Variants in FRMD4B observed in about 807,000 individuals in gnomAD.
FRMD4B encodes FERM domain containing 4B.
A neutral mutation model predicts 141.5 loss-of-function variants in FRMD4B; 74 were observed. The observed-to-expected ratio is 0.52, with a 90% CI of 0.43 to 0.63. FRMD4B has a LOEUF of 0.63. Among genes scored for constraint, FRMD4B ranks in the 30% least tolerant of loss-of-function variants. FRMD4B has a pLI of 0.00. For missense variants in FRMD4B, 1,366 were observed against 1,253.4 expected, an observed-to-expected ratio of 1.09 and a Z score of -1.36; for synonymous variants, 506 against 467.9, an observed-to-expected ratio of 1.08 and a Z score of -1.05.
At position 69,181,703 on chromosome 3, in the gene FRMD4B, A is replaced by G. The variant is rs1458851786; in HGVS notation, c.2047T>C (p.Ser683Pro). The G allele has an allele frequency of 6.2e-7, 1 of 1,607,974 alleles. No individual in the cohort carries two copies. Residue 683 changes from serine (S) to proline (P), a missense_variant, in exon 21 of 23, where the codon TCT becomes CCT. Physicochemically the swap from Ser to Pro is moderately conservative, Grantham distance 74. Coordinates refer to ENST00000398540, the MANE Select transcript of FRMD4B (RefSeq NM_015123.3). The stretch of plus-strand genomic sequence containing the variant: ...CGCTGGCGGCAGTGCTGAGATGAAG[A>G]TTCGGGTCTGAAAGAGGAGAAAGGC... ...AYSSSHLEPE[S>P]SSQHCRQRSG...
intron 22 of FRMD4B, among the ~76,000 whole-genome samples, chr3:69,172,644 A>G (rs1010531988): frequency 1.4e-4 from 21 of 152,338 alleles, no homozygotes; most frequent in Admixed American, 8.5e-4. Flanking sequence ...AGGGACATAT[A>G]TGATATCCCT....
intron 2 of FRMD4B, among the ~76,000 whole-genome samples, chr3:69,420,603 G>C (rs1704958189): frequency 6.6e-6 from 1 of 152,188 alleles, no homozygotes; most frequent in Non-Finnish European, 1.5e-5. Flanking sequence ...CAAGATGTTT[G>C]ATCTGCTGGG....
At chr3:69,262,651 G>T (rs1227869819) in intron 5 of FRMD4B, among the ~76,000 whole-genome samples, 2 of 150,402 alleles carry the variant, frequency 1.3e-5, no homozygotes, top group African/African-American at 2.4e-5. Context: ...TAGAGCTGGG[G>T]TGTCTCCATG....
chr3:69,248,087 C>T (rs900041571), intron 7 of FRMD4B, among the ~76,000 whole-genome samples: 19 of 152,154 alleles, frequency 1.2e-4, no homozygotes, highest in South Asian at 6.2e-4. Flanking sequence ...CCACCATGCC[C>T]GGCCTCAGGC....
intron 1 of FRMD4B, among the ~76,000 whole-genome samples, chr3:69,534,080 C>T (rs1701046151): frequency 6.6e-6 from 1 of 152,220 alleles, no homozygotes; most frequent in African/African-American, 2.4e-5. Flanking sequence ...ACCAGATCTA[C>T]TGAATCAGAA....
At chr3:69,218,481 T>C in intron 9 of FRMD4B, 102 bp from the exon 10 acceptor site, 1 of 592,324 alleles carries the variant, frequency 1.7e-6, no homozygotes. Flanking sequence ...TTCCTTATTA[T>C]AAGAATAATT....
chr3:69,238,634 A>G (rs1380083649), intron 7 of FRMD4B, among the ~76,000 whole-genome samples: 1 of 152,166 alleles, frequency 6.6e-6, no homozygotes, highest in Non-Finnish European at 1.5e-5. Flanking sequence ...AAATACAAAA[A>G]TTAATCAGAC....
At chr3:69,266,754 C>T (rs182566147) in intron 5 of FRMD4B, among the ~76,000 whole-genome samples, 1 of 152,342 alleles carries the variant, frequency 6.6e-6, no homozygotes, top group African/African-American at 2.4e-5. Flanking sequence ...ATAGTACTAA[C>T]TGACTTAGGT....
Position 69,193,698 on chromosome 3 carries a change from T to C in FRMD4B, c.1664A>G (p.Tyr555Cys). The C allele has an allele frequency of 6.2e-7, 1 of 1,613,798 alleles. No individual in the cohort carries two copies. Among genetic ancestry groups the C allele is most frequent in the Non-Finnish European group, 8.5e-7 (1 of 1,179,728 alleles). Residue 555 changes from tyrosine to cysteine, a missense_variant, in exon 17 of 23, where the codon TAC (tyrosine) becomes TGC (cysteine). Transcript: ENST00000398540. Reference sequence around the variant, plus strand: ...GGGTTTCTTTCCACACCTAATTCGGTATTCGTTTATTGCATTTTCAATCTC... The same window carrying C: ...GGGTTTCTTTCCACACCTAATTCGGCATTCGTTTATTGCATTTTCAATCTC... ...LQEIENAINE[Y>C]RIRCGKKPSQ...
chr3:69,501,270 C>T (rs1351876211), intron 1 of FRMD4B, among the ~76,000 whole-genome samples: 1 of 137,932 alleles, frequency 7.2e-6, no homozygotes, highest in African/African-American at 2.7e-5. Context: ...CTATCCTTAG[C>T]GTTAGTATAT....
At chr3:69,497,939 G>C (rs1050167039) in intron 1 of FRMD4B, among the ~76,000 whole-genome samples, 1 of 152,164 alleles carries the variant, frequency 6.6e-6, no homozygotes, top group Non-Finnish European at 1.5e-5. Flanking sequence ...TAGAGTCCAA[G>C]GTGAGCCTAG....
rs2092589321 is a variant in FRMD4B at position 69,171,811 on chromosome 3, G to A, written c.*50C>T. The A allele has an allele frequency of 6.4e-7, 1 of 1,561,894 alleles. No individual in the cohort carries two copies. Among genetic ancestry groups the A allele is most frequent in the South Asian group, 1.1e-5 (1 of 89,344 alleles). On this transcript the variant is annotated 3_prime_UTR_variant, in exon 23 of 23. Transcript: ENST00000398540. ...CTCGGAAGACAAATACAATTTGCAA[G>A]GCACACTAGTGTGAGAACGCAGTGC...
intron 1 of FRMD4B, among the ~76,000 whole-genome samples, chr3:69,456,833 G>A (rs1705623389): frequency 6.6e-6 from 1 of 150,996 alleles, no homozygotes; most frequent in Admixed American, 6.6e-5. Flanking sequence ...AAGTTTTATT[G>A]GAGCACAGCC....
intron 2 of FRMD4B, among the ~76,000 whole-genome samples, chr3:69,412,470 A>G (rs1704775675): frequency 6.6e-6 from 1 of 152,208 alleles, no homozygotes. Context: ...GAAAGTAGGT[A>G]GAAGCAGGAG....
Position 69,181,252 on chromosome 3 carries a change from T to C in FRMD4B, c.2498A>G (p.Tyr833Cys), listed in dbSNP as rs2092704414. The C allele has an allele frequency of 1.2e-6, 2 of 1,613,292 alleles. No homozygotes were observed. The highest frequency in any genetic ancestry group is 1.7e-6 in the Non-Finnish European group (2 of 1,179,234). Residue 833 changes from tyrosine to cysteine, a missense_variant, in exon 21 of 23, where the codon TAT becomes TGT. Coordinates refer to ENST00000398540, the MANE Select transcript of FRMD4B (RefSeq NM_015123.3). ...YVYENDTEGQ[Y>C]SVNPSYRSSA... ...GGACCGGTAGGAAGGGTTGACACTA[T>C]ACTGTCCCTCGGTGTCATTCTCATA... is the stretch of plus-strand genomic sequence containing the variant.
chr3:69,229,907 T>C (rs868038356), intron 7 of FRMD4B, among the ~76,000 whole-genome samples: 4 of 151,984 alleles, frequency 2.6e-5, no homozygotes, highest in South Asian at 2.1e-4. Flanking sequence ...GGTTTCACCA[T>C]GTTGGCCAGG....
chr3:69,332,953 A>G (rs574309674), intron 1 of FRMD4B, among the ~76,000 whole-genome samples: 3 of 152,202 alleles, frequency 2.0e-5, no homozygotes, highest in African/African-American at 7.2e-5. Flanking sequence ...AGCAGAGTTA[A>G]AAAATATCAA....
intron 2 of FRMD4B, among the ~76,000 whole-genome samples, chr3:69,425,767 CT>C (rs1297409410): frequency 6.6e-6 from 1 of 151,924 alleles, no homozygotes; most frequent in East Asian, 1.9e-4. Context: ...TTATTTTTAT[CT>C]TTTTTTTCAG....
Position 69,486,300 on chromosome 3 carries a change from G to C in FRMD4B, c.-128-53539C>G, listed in dbSNP as rs576399908. On this transcript the variant is annotated intron_variant, in intron 1 of 5. Transcript: ENST00000459638. ...GAGTAAGTTCTTTAGTGATCTGTGA[G>C]ATTTTGGTGTATGCATCAACCGAGC... Among the ~76,000 whole-genome samples the C allele has an allele frequency of 1.9e-4, 29 of 152,306 alleles. No individual in the cohort carries two copies. In the South Asian group the frequency reaches 2.7e-3, roughly 14 times the overall value.
Sources: allele counts gnomAD v4.1 joint callset (sites outside exome capture counted in the v4.1 genomes callset), GRCh38; gene constraint gnomAD v4.1.1; transcripts MANE v1.5; gene names NCBI Gene and HGNC (gene_info 2026-07-23, HGNC 2026-07-21).